TXLNB: variants seen among roughly 807,000 people sequenced by gnomAD.
TXLNB encodes beta-taxilin.
TXLNB carries 37 observed loss-of-function variants against 57.4 expected under a neutral mutation model. The ratio of observed to expected loss-of-function variants is 0.64; its 90% confidence interval spans 0.50 to 0.85. TXLNB has a LOEUF of 0.85. TXLNB is among the 40% of genes least tolerant of loss of function. The probability of loss-of-function intolerance (pLI) is 0.00; values close to 1 mark genes in which losing one functional copy is unlikely to be tolerated. For synonymous variants in TXLNB, 302 were observed against 309.6 expected, an observed-to-expected ratio of 0.98 and a Z score of 0.26; for missense variants, 848 against 825.6, an observed-to-expected ratio of 1.03 and a Z score of -0.33.
chr6:139,272,046 T>C (rs1340074747), intron 3 of TXLNB, among the ~76,000 whole-genome samples: 1 of 152,054 alleles, frequency 6.6e-6, no homozygotes, highest in Non-Finnish European at 1.5e-5. Context: ...TGGTGGCTCA[T>C]GCCTGTAATC....
the TXLNB span, among the ~76,000 whole-genome samples, chr6:139,314,489 C>T: frequency 1.3e-5 from 2 of 152,216 alleles, no homozygotes; most frequent in African/African-American, 4.8e-5. Flanking sequence ...CCAGACGAAG[C>T]CAATGTCTAC....
At chr6:139,283,072 T>C (rs1777091085) in intron 2 of TXLNB, 1 of 145,214 alleles carries the variant, frequency 6.9e-6, no homozygotes, top group African/African-American at 2.5e-5. Flanking sequence ...TGCCGCATAA[T>C]GGGAAATCTG....
chr6:139,166,281 C>G, the TXLNB span: 3 of 1,585,746 alleles, frequency 1.9e-6, no homozygotes, highest in Non-Finnish European at 2.6e-6. Flanking sequence ...ATTCCTCCCC[C>G]AGAAGCCCCA....
At chr6:139,323,144 C>T in the TXLNB span, among the ~76,000 whole-genome samples, 1 of 152,226 alleles carries the variant, frequency 6.6e-6, no homozygotes, top group Non-Finnish European at 1.5e-5. Context: ...TCCTTAAATA[C>T]ATAGGAAATC....
At chr6:139,168,425 GT>G in the TXLNB span, among the ~76,000 whole-genome samples, 20,516 of 138,088 alleles carry the variant, frequency 0.15, 1,535 homozygotes, top group East Asian at 0.2. Flanking sequence ...GATTTGCATA[GT>G]TTTTTTTTTT....
At chr6:139,291,416 G>A (rs1488382868) in intron 1 of TXLNB, among the ~76,000 whole-genome samples, 5 of 152,222 alleles carry the variant, frequency 3.3e-5, no homozygotes, top group Admixed American at 3.3e-4. Flanking sequence ...CTAAATGCAA[G>A]TGGCTGTTTG....
chr6:139,172,918 A>G, the TXLNB span, among the ~76,000 whole-genome samples: 2 of 152,236 alleles, frequency 1.3e-5, no homozygotes, highest in East Asian at 1.9e-4. Flanking sequence ...AACTCTTAGT[A>G]AAAGTTACTC....
At chr6:139,167,361 G>A in the TXLNB span, 1 of 1,462,248 alleles carries the variant, frequency 6.8e-7, no homozygotes, top group African/African-American at 1.4e-5. Flanking sequence ...CTTTCTGTTT[G>A]TTAAAAACCA....
rs751511337 is a variant in TXLNB, at chr6:139,242,493, G to C, written c.*33C>G. On this transcript the variant is annotated 3_prime_UTR_variant, in exon 10 of 10. Transcript: ENST00000358430. ...AGCTGTTATGCTGAATATGCAAAGAGGCAGGAAGAAGCCTCTGAAGGCACG... is the reference window on the plus strand; with the variant it reads ...AGCTGTTATGCTGAATATGCAAAGACGCAGGAAGAAGCCTCTGAAGGCACG... 4.8e-5 allele frequency: 70 copies of C among 1,458,602 alleles called. No homozygotes were observed. Among genetic ancestry groups the C allele is most frequent in the Non-Finnish European group, 6.0e-5 (66 of 1,104,580 alleles). The allele number at this position is 1,458,602 out of a possible 1,614,324, so 90.4% of individuals were successfully genotyped here. A position where few individuals can be genotyped will look rare whatever the true frequency, so the allele number is the denominator to read the frequency against.
At chr6:139,225,762 A>C in the TXLNB span, among the ~76,000 whole-genome samples, 1 of 152,184 alleles carries the variant, frequency 6.6e-6, no homozygotes, top group African/African-American at 2.4e-5. Flanking sequence ...TGATTTATAC[A>C]TTAAATTCAA....
chr6:139,229,916 T>C, the TXLNB span, among the ~76,000 whole-genome samples: 1 of 152,210 alleles, frequency 6.6e-6, no homozygotes, highest in Non-Finnish European at 1.5e-5. Flanking sequence ...CTGAGTTGTC[T>C]TTTCTTATTA....
the TXLNB span, among the ~76,000 whole-genome samples, chr6:139,196,224 T>C: frequency 1.1e-3 from 170 of 152,196 alleles, no homozygotes; most frequent in African/African-American, 4.0e-3. Flanking sequence ...TGAAGCAAAA[T>C]TTCCAGCAAC....
chr6:139,310,617 TAAA>T, the TXLNB span, among the ~76,000 whole-genome samples: 6 of 152,232 alleles, frequency 3.9e-5, no homozygotes, highest in Non-Finnish European at 8.8e-5. Context: ...TTTAAATTAT[TAAA>T]AAGGACAAGT....
chr6:139,301,714 A>G, the TXLNB span, among the ~76,000 whole-genome samples: 1 of 152,332 alleles, frequency 6.6e-6, no homozygotes, highest in Non-Finnish European at 1.5e-5. Flanking sequence ...ATGCACAGAA[A>G]TCAATGCTTC....
chr6:139,277,682 T>C (rs1487007906), intron 2 of TXLNB, among the ~76,000 whole-genome samples: 1 of 152,108 alleles, frequency 6.6e-6, no homozygotes, highest in Non-Finnish European at 1.5e-5. Flanking sequence ...TAATATCCGT[T>C]GGCAGTTTCA....
At chr6:139,260,271 G>GACACTGAGGTAGACCAGATATGC in intron 6 of TXLNB, 47 bp downstream of exon 6, 1 of 1,598,332 alleles carries the variant, frequency 6.3e-7, no homozygotes, top group South Asian at 1.1e-5. Context: ...GAGTGTCTCT[G>GACACTGAGGTAGACCAGATATGC]ACACTGAGGT....
At chr6:139,235,695 C>T (rs190844196), downstream of TXLNB, among the ~76,000 whole-genome samples, 64 of 152,048 alleles carry the variant, frequency 4.2e-4, no homozygotes, top group African/African-American at 7.0e-4. Context: ...AGGGCTGTAC[C>T]CTCGAGCCTG....
the TXLNB span, among the ~76,000 whole-genome samples, chr6:139,211,256 C>T: frequency 1.3e-5 from 2 of 152,188 alleles, no homozygotes; most frequent in African/African-American, 2.4e-5. Context: ...ACACCTCACA[C>T]GGCTGGGTAC....
At chr6:139,238,012 T>C (rs1158781071), downstream of TXLNB, among the ~76,000 whole-genome samples, 2 of 152,216 alleles carry the variant, frequency 1.3e-5, no homozygotes, top group Non-Finnish European at 2.9e-5. Context: ...TAGTTAAGTG[T>C]TTCTACCAAA....
Sources: allele counts gnomAD v4.1 joint callset (sites outside exome capture counted in the v4.1 genomes callset), GRCh38; gene constraint gnomAD v4.1.1; transcripts MANE v1.5; gene names NCBI Gene and HGNC (gene_info 2026-07-23, HGNC 2026-07-21).